The following ATRNL1 variants were observed in gnomAD, a reference collection of about 807,000 sequenced individuals.
ATRNL1 encodes attractin-like protein 1.
Under a neutral mutation model 182.7 loss-of-function variants are expected in ATRNL1, and 95 were observed. The observed-to-expected ratio is 0.52, with a 90% CI of 0.44 to 0.62. The LOEUF is 0.62. Among genes scored for constraint, ATRNL1 ranks in the 20% least tolerant of loss-of-function variants. ATRNL1 has a pLI of 0.00. For missense variants in ATRNL1, 1,471 were observed against 1,679.5 expected (o/e 0.88, Z 2.17); for synonymous variants, 576 against 568.3 (o/e 1.01, Z -0.19).
At chr10:115,351,179 T>A (rs1459454449) in intron 19 of ATRNL1, among the ~76,000 whole-genome samples, 2 of 152,308 alleles carry the variant, frequency 1.3e-5, no homozygotes, top group East Asian at 3.9e-4. Flanking sequence ...TATAAGATCA[T>A]ATCATCTGTA....
chr10:115,383,048 T>C (rs1479089577), intron 19 of ATRNL1, among the ~76,000 whole-genome samples: 1 of 151,862 alleles, frequency 6.6e-6, no homozygotes, highest in Non-Finnish European at 1.5e-5. Context: ...GTATTTTTAA[T>C]GATGAAAGAA....
chr10:115,328,045 C>A (rs1393152637), intron 18 of ATRNL1, among the ~76,000 whole-genome samples: 2 of 151,718 alleles, frequency 1.3e-5, no homozygotes, highest in Non-Finnish European at 2.9e-5. Context: ...ATGTAACTAA[C>A]CTGCACATTG....
At chr10:115,426,820 G>C (rs1161958706) in intron 21 of ATRNL1, among the ~76,000 whole-genome samples, 2 of 152,124 alleles carry the variant, frequency 1.3e-5, no homozygotes, top group Non-Finnish European at 2.9e-5. Flanking sequence ...TGCCTCCCAG[G>C]TTCAAGTGAT....
intron 28 of ATRNL1, among the ~76,000 whole-genome samples, chr10:115,911,687 A>G (rs1054367731): frequency 4.6e-5 from 7 of 152,184 alleles, no homozygotes; most frequent in African/African-American, 1.7e-4. Flanking sequence ...CTAAAGTTAC[A>G]GAGCCGGTGG....
intron 26 of ATRNL1, among the ~76,000 whole-genome samples, chr10:115,622,348 G>T (rs997103322): frequency 6.6e-6 from 1 of 152,182 alleles, no homozygotes; most frequent in African/African-American, 2.4e-5. Context: ...TCATTATGGA[G>T]ACAGTGTTAA....
chr10:115,318,238 G>A (rs1854403087), intron 18 of ATRNL1, among the ~76,000 whole-genome samples: 1 of 152,050 alleles, frequency 6.6e-6, no homozygotes, highest in Non-Finnish European at 1.5e-5. Flanking sequence ...TCCCAGGGAT[G>A]AAGTTGACTT....
At chr10:115,355,687 G>A (rs1344131654) in intron 19 of ATRNL1, among the ~76,000 whole-genome samples, 1 of 151,516 alleles carries the variant, frequency 6.6e-6, no homozygotes, top group African/African-American at 2.4e-5. Context: ...CCTCCATTTA[G>A]GTCTTACTCT....
chr10:115,792,306 A>G (rs1442512667), intron 27 of ATRNL1, among the ~76,000 whole-genome samples: 3 of 152,100 alleles, frequency 2.0e-5, no homozygotes, highest in African/African-American at 7.2e-5. Context: ...CAGAGTCCAG[A>G]GAACTGTACT....
chr10:115,513,893 G>A (rs782814156), intron 24 of ATRNL1, among the ~76,000 whole-genome samples: 13 of 151,816 alleles, frequency 8.6e-5, no homozygotes, highest in African/African-American at 1.5e-4. Context: ...CTCCAGCTGG[G>A]ACTCCAAGTA....
At chr10:115,234,262 A>C (rs1554900746) in intron 9 of ATRNL1, among the ~76,000 whole-genome samples, 1 of 152,090 alleles carries the variant, frequency 6.6e-6, no homozygotes, top group Non-Finnish European at 1.5e-5. Flanking sequence ...ATTGTTATAA[A>C]GATGTTAATA....
At chr10:115,192,930 C>A (rs914310400) in intron 8 of ATRNL1, among the ~76,000 whole-genome samples, 4 of 151,874 alleles carry the variant, frequency 2.6e-5, no homozygotes, top group Non-Finnish European at 4.4e-5. Context: ...TGTATCCCTG[C>A]AACATTACTG....
intron 27 of ATRNL1, among the ~76,000 whole-genome samples, chr10:115,772,597 C>CTGTG (rs57939999): frequency 0.016 from 2,225 of 140,370 alleles, 52 homozygotes; most frequent in African/African-American, 0.048. Flanking sequence ...TATACTCTGT[C>CTGTG]TGTGTGTGTG....
intron 25 of ATRNL1, among the ~76,000 whole-genome samples, chr10:115,539,863 C>T (rs1554991455): frequency 6.6e-6 from 1 of 151,350 alleles, no homozygotes. Flanking sequence ...CAGCTCAAAA[C>T]ATGGTACAAT....
intron 28 of ATRNL1, among the ~76,000 whole-genome samples, chr10:115,892,269 ACT>A (rs1366709556): frequency 1.3e-5 from 2 of 152,180 alleles, no homozygotes; most frequent in Non-Finnish European, 2.9e-5. Context: ...CAATCAGTTA[ACT>A]ATTTCCTTTG....
chr10:115,851,942 C>T (rs1034697562), intron 28 of ATRNL1, among the ~76,000 whole-genome samples: 3 of 152,054 alleles, frequency 2.0e-5, no homozygotes, highest in African/African-American at 7.2e-5. Context: ...CCAGTCACCC[C>T]GGACAGCATG....
intron 26 of ATRNL1, among the ~76,000 whole-genome samples, chr10:115,681,073 ATTACG>A (rs1335770186): frequency 9.2e-5 from 14 of 152,274 alleles, no homozygotes; most frequent in Admixed American, 5.2e-4. Context: ...CAAAATTTAC[ATTACG>A]TACCTCTTTC....
At chr10:115,635,557 T>C (rs1411935862) in intron 26 of ATRNL1, among the ~76,000 whole-genome samples, 3 of 152,206 alleles carry the variant, frequency 2.0e-5, no homozygotes, top group Non-Finnish European at 4.4e-5. Context: ...ACAACTCTTT[T>C]TGATAATTAT....
intron 8 of ATRNL1, among the ~76,000 whole-genome samples, chr10:115,213,110 C>A (rs1294621864): frequency 1.3e-5 from 2 of 152,036 alleles, no homozygotes; most frequent in Non-Finnish European, 2.9e-5. Context: ...GTTAGTATTA[C>A]TTGATTGTCT....
Position 115,788,535 on chromosome 10 carries a change from C to T in ATRNL1, c.3904-59342C>T, listed in dbSNP as rs1949449897. The stretch of plus-strand genomic sequence containing the variant: ...GGCTAATTATATTTCTAGTTGCCTA[C>T]TTGAAGGTCTAATTAGCCAATTGCA... On this transcript the variant is annotated intron_variant, in intron 27 of 28. Coordinates refer to ENST00000355044, the MANE Select transcript of ATRNL1 (RefSeq NM_207303.4). 4.6e-5 allele frequency among the ~76,000 whole-genome samples: 7 copies of T among 152,280 alleles called. No individual in the cohort carries two copies. In the South Asian group the frequency reaches 1.4e-3, roughly 32 times the overall value.
Sources: gnomAD v4.1 joint callset for allele counts (sites outside exome capture counted in the v4.1 genomes callset) on GRCh38, gnomAD v4.1.1 for gene constraint, MANE v1.5 for transcripts, NCBI Gene and HGNC (gene_info 2026-07-23, HGNC 2026-07-21) for gene names.